Variants in GPR143 observed in about 807,000 individuals in gnomAD.
The protein encoded by GPR143 is G protein-coupled receptor 143, also known as G-protein coupled receptor 143.
Under a neutral mutation model 27.6 loss-of-function variants are expected in GPR143, and 8 were observed. The ratio of observed to expected loss-of-function variants is 0.29; its 90% confidence interval spans 0.17 to 0.52. GPR143 has a LOEUF of 0.52. GPR143 is among the 20% of genes least tolerant of loss of function. The pLI is 0.96. For missense variants in GPR143, 303 were observed against 343.1 expected (o/e 0.88, Z 0.92); for synonymous variants, 156 against 153.2 (o/e 1.02, Z -0.13).
intron 8 of GPR143, among the ~76,000 whole-genome samples, chrX:9,738,997 A>G (rs754936192): frequency 3.3e-4 from 37 of 112,409 alleles, no homozygotes; most frequent in Non-Finnish European, 6.4e-4. Context: ...ACCTCAAGTG[A>G]TCCACCTGCC....
intron 3 of GPR143, among the ~76,000 whole-genome samples, chrX:9,751,817 A>C (rs1392203983): frequency 8.8e-6 from 1 of 113,059 alleles, no homozygotes; most frequent in African/African-American, 3.2e-5. Context: ...GTATCAGCGC[A>C]GTATGTCTCA....
chrX:9,755,598 T>G (rs776928427), intron 3 of GPR143, among the ~76,000 whole-genome samples: 1 of 111,410 alleles, frequency 9.0e-6, no homozygotes, highest in South Asian at 3.8e-4. Context: ...AGGCCTCTAT[T>G]GCATTGCATT....
intron 3 of GPR143, among the ~76,000 whole-genome samples, chrX:9,757,974 G>T (rs1224653744): frequency 9.1e-6 from 1 of 110,237 alleles, no homozygotes; most frequent in African/African-American, 3.3e-5. Context: ...TATTGCCCAG[G>T]CTGGTCTCAA....
intron 3 of GPR143, among the ~76,000 whole-genome samples, chrX:9,756,112 A>G (rs777616473): frequency 8.9e-6 from 1 of 112,384 alleles, no homozygotes; most frequent in South Asian, 3.6e-4. Context: ...GGATTACCCA[A>G]TATATTCTAT....
intron 2 of GPR143, 61 bp downstream of exon 2, chrX:9,760,656 G>C (rs925132906): frequency 9.9e-5 from 61 of 618,185 alleles, no homozygotes; most frequent in Non-Finnish European, 1.6e-4. Context: ...AGGGTTTGCT[G>C]CTGCTGCGAT....
chrX:9,729,400 T>C (rs780199736), intron 8 of GPR143, among the ~76,000 whole-genome samples: 1 of 111,887 alleles, frequency 8.9e-6, no homozygotes, highest in South Asian at 3.8e-4. Flanking sequence ...CCTCACACTC[T>C]GGGACATGTT....
intron 7 of GPR143, 67 bp from the exon 8 acceptor site, chrX:9,739,786 TCA>T: frequency 1.3e-6 from 1 of 741,354 alleles, no homozygotes. Context: ...CCCTGGGCTG[TCA>T]CAGAGTGACA....
chrX:9,756,284 A>C (rs1233702457), intron 3 of GPR143, among the ~76,000 whole-genome samples: 2 of 112,327 alleles, frequency 1.8e-5, no homozygotes, highest in East Asian at 5.5e-4. Context: ...AAGCATTCAA[A>C]CCATAAGAAA....
At chrX:9,755,817 CTTGT>C (rs1671962489) in intron 3 of GPR143, among the ~76,000 whole-genome samples, 1 of 112,028 alleles carries the variant, frequency 8.9e-6, no homozygotes, top group South Asian at 3.7e-4. Flanking sequence ...AAATCTCTAC[CTTGT>C]TTAAGTCATT....
intron 3 of GPR143, among the ~76,000 whole-genome samples, chrX:9,751,677 G>A (rs1252936699): frequency 1.8e-5 from 2 of 112,245 alleles, no homozygotes; most frequent in African/African-American, 6.5e-5. Flanking sequence ...AAATGTTCTG[G>A]AACTAGTAAT....
intron 1 of GPR143, among the ~76,000 whole-genome samples, chrX:9,771,700 G>A (rs765089167): frequency 4.6e-5 from 4 of 86,498 alleles, no homozygotes; most frequent in Admixed American, 4.3e-4. Context: ...AAGCCATGGA[G>A]CATTCTCTCT....
At chrX:9,754,576 C>A (rs2083465532) in intron 3 of GPR143, among the ~76,000 whole-genome samples, 4 of 111,714 alleles carry the variant, frequency 3.6e-5, no homozygotes, top group Admixed American at 2.8e-4. Context: ...TCAGGAGAAG[C>A]CTGCGCCCCC....
intron 4 of GPR143, chrX:9,748,206 T>A: frequency 3.8e-6 from 1 of 264,044 alleles, no homozygotes; most frequent in South Asian, 5.0e-5. Context: ...CACCTGCTCA[T>A]CCAGAGGAAG....
intron 3 of GPR143, among the ~76,000 whole-genome samples, chrX:9,750,917 C>G (rs991810669): frequency 7.1e-5 from 8 of 112,583 alleles, no homozygotes; most frequent in Non-Finnish European, 1.3e-4. Context: ...GTTATAGCAG[C>G]CTGGACGGAC....
At chrX:9,765,539 T>C in intron 1 of GPR143, 29 bp downstream of exon 1, 1 of 1,073,352 alleles carries the variant, frequency 9.3e-7, no homozygotes. Context: ...CTGATCAGAT[T>C]CCAACCCGCG....
upstream of GPR143, among the ~76,000 whole-genome samples, chrX:9,771,171 G>A (rs1022436080): frequency 9.0e-6 from 1 of 110,892 alleles, no homozygotes; most frequent in Non-Finnish European, 1.9e-5. Flanking sequence ...CAGTCCTCCC[G>A]CCTCAGCCTC....
intron 3 of GPR143, among the ~76,000 whole-genome samples, chrX:9,755,700 T>C (rs1447703073): frequency 1.8e-5 from 2 of 110,937 alleles, no homozygotes; most frequent in African/African-American, 6.6e-5. Context: ...AGGATGGAAG[T>C]CACACGATAG....
chrX:9,726,446 C>T (rs900494687), intron 8 of GPR143, among the ~76,000 whole-genome samples: 2 of 111,819 alleles, frequency 1.8e-5, no homozygotes, highest in Non-Finnish European at 3.8e-5. Context: ...TCTCTCAATG[C>T]CCAACTAAAT....
chrX:9,763,304 C>T (rs1187732554), intron 1 of GPR143, among the ~76,000 whole-genome samples: 1 of 109,746 alleles, frequency 9.1e-6, no homozygotes, highest in African/African-American at 3.3e-5. Context: ...TGGTGAGACT[C>T]CAGCTCTGAA....
Sources: gnomAD v4.1 joint callset for allele counts (sites outside exome capture counted in the v4.1 genomes callset) on GRCh38, gnomAD v4.1.1 for gene constraint, MANE v1.5 for transcripts, NCBI Gene and HGNC (gene_info 2026-07-23, HGNC 2026-07-21) for gene names.